Variants in MYH14 observed in about 807,000 individuals in gnomAD.
The protein encoded by MYH14 is myosin-14.
A neutral mutation model predicts 255.5 loss-of-function variants in MYH14; 123 were observed. That is an observed-to-expected ratio of 0.48 (90% CI 0.42 to 0.56). The LOEUF is 0.56. MYH14 is among the 20% of genes least tolerant of loss of function. The probability of loss-of-function intolerance (pLI) is 0.00; values close to 1 mark genes in which losing one functional copy is unlikely to be tolerated. For missense variants in MYH14, 2,423 were observed against 2,802.3 expected (o/e 0.86, Z 3.06); for synonymous variants, 1,095 against 1,161.2 (o/e 0.94, Z 1.16).
At position 50,230,690 on chromosome 19, in the gene MYH14, C is replaced by T. The variant is rs1600895114; in HGVS notation, c.973+67C>T. Reference sequence around the variant, plus strand: ...TGGGCACCATGTCTCTCGGGGGCCCCTTCTGGGGAGGAAGCAAGAGTGGGG... The same window carrying T: ...TGGGCACCATGTCTCTCGGGGGCCCTTTCTGGGGAGGAAGCAAGAGTGGGG... On this transcript the variant is annotated intron_variant, in intron 9 of 42. Coordinates refer to ENST00000642316, the MANE Select transcript of MYH14 (RefSeq NM_001145809.2). The surrounding 1 kb of genome is among the most constrained non-coding windows in gnomAD (Gnocchi z 4.7). 7.1e-7 allele frequency: 1 copy of T among 1,415,826 alleles called. No homozygotes were observed. The allele number at this position is 1,415,826 out of a possible 1,614,324, so 87.7% of individuals were successfully genotyped here.
chr19:50,232,083 C>A lies in MYH14; in HGVS notation c.1114+13C>A, dbSNP rs11666328. On this transcript the variant is annotated intron_variant, in intron 10 of 42. Transcript: ENST00000642316. ...GAGGAAATCATCTGTGAGTGAGCCC[C>A]GTGGAGGCCAGGGGTAGGGGGGAAC... The A allele has an allele frequency of 6.2e-7, 1 of 1,609,346 alleles. No homozygotes were observed. The highest frequency in any genetic ancestry group is 1.3e-5 in the African/African-American group (1 of 75,010).
In MYH14 at chr19:50,221,210, T is replaced by A. The variant is rs2032802188; in HGVS notation, c.563-1873T>A. On this transcript the variant is annotated intron_variant, in intron 3 of 42. Coordinates refer to ENST00000642316, the MANE Select transcript of MYH14 (RefSeq NM_001145809.2). The surrounding 1 kb of genome is among the most constrained non-coding windows in gnomAD (Gnocchi z 5.3). ...CATTTTGAGCATTCTGAGTTCTGAC[T>A]ACAGCCCTGGGAGATGGCAGCTGTT... is the stretch of plus-strand genomic sequence containing the variant. 6.6e-6 allele frequency among the ~76,000 whole-genome samples: 1 copy of A among 152,142 alleles called. No homozygotes were observed. The highest frequency in any genetic ancestry group is 2.1e-4 in the South Asian group (1 of 4,826).
chr19:50,208,451 C>T (rs529499637), intron 1 of MYH14, among the ~76,000 whole-genome samples: 1 of 146,282 alleles, frequency 6.8e-6, no homozygotes, highest in African/African-American at 2.7e-5. Flanking sequence ...AACAAACAAA[C>T]AAACAAAAAA....
At chr19:50,277,741 T>C (rs788336) in intron 29 of MYH14, among the ~76,000 whole-genome samples, 75,966 of 151,080 alleles carry the variant, frequency 0.5, 19,879 homozygotes, top group African/African-American at 0.64. Flanking sequence ...CATGGCAAAA[T>C]CCCATCTCTA....
rs765221367 is a variant in MYH14 at position 50,292,283 on chromosome 19, G to A, written c.5150G>A (p.Arg1717Gln). The stretch of plus-strand genomic sequence containing the variant: ...CAGGCCCAGATGAAGGAGCTATGGC[G>A]GGAGGTGGAGGAGACACGCACCTCC... Reference protein sequence around the residue: ...KMQAQMKELWREVEETRTSRE... With the variant: ...KMQAQMKELWQEVEETRTSRE... The change falls in exon 37 of 43, where the codon CGG (arginine) becomes CAG (glutamine). Residue 1717 changes from arginine (R) to glutamine (Q), a missense_variant. Physicochemically the swap from Arg to Gln is conservative, Grantham distance 43. Coordinates refer to ENST00000642316, the MANE Select transcript of MYH14 (RefSeq NM_001145809.2). 1.3e-5 allele frequency: 21 copies of A among 1,602,862 alleles called. No homozygotes were observed. Among genetic ancestry groups the A allele is most frequent in the South Asian group, 5.6e-5 (5 of 88,496 alleles).
chr19:50,277,091 G>C (rs926941070), intron 29 of MYH14, among the ~76,000 whole-genome samples, 190 bp downstream of exon 29: 8 of 152,168 alleles, frequency 5.3e-5, no homozygotes, highest in Non-Finnish European at 1.2e-4. Flanking sequence ...GAGCATTGCT[G>C]GGGAACCAGC....
chr19:50,267,249 C>A (rs190066514), intron 23 of MYH14, among the ~76,000 whole-genome samples: 1 of 77,692 alleles, frequency 1.3e-5, no homozygotes, highest in Admixed American at 1.8e-4. Context: ...GGGTATGGGC[C>A]GGGTAGGGGT....
chr19:50,237,120 G>C (rs545199776), intron 10 of MYH14, among the ~76,000 whole-genome samples: 6 of 152,088 alleles, frequency 3.9e-5, no homozygotes, highest in Non-Finnish European at 7.4e-5. Context: ...GCATGCAGTA[G>C]GTTTCCTTCC....
chr19:50,248,111 CA>C (rs1298214222), intron 12 of MYH14, among the ~76,000 whole-genome samples: 1 of 151,028 alleles, frequency 6.6e-6, no homozygotes, highest in East Asian at 1.9e-4. Context: ...GAGGTCAGGT[CA>C]GTGAGGCTGA....
chr19:50,279,297 G>C (rs917805449), intron 30 of MYH14, among the ~76,000 whole-genome samples: 1 of 152,158 alleles, frequency 6.6e-6, no homozygotes, highest in Non-Finnish European at 1.5e-5. Context: ...AGATTCATCT[G>C]TGTTGCAGCT....
intron 40 of MYH14, among the ~76,000 whole-genome samples, chr19:50,304,859 G>A (rs186954595): frequency 2.3e-3 from 353 of 152,314 alleles, no homozygotes; most frequent in African/African-American, 8.1e-3. Flanking sequence ...TTGAGCTGGA[G>A]CTGACAAGAA....
Position 50,281,820 on chromosome 19 carries a change from A to C in MYH14, c.4517A>C (p.Lys1506Thr). The C allele has an allele frequency of 6.2e-7, 1 of 1,612,222 alleles. No individual in the cohort carries two copies. The highest frequency in any genetic ancestry group is 8.5e-7 in the Non-Finnish European group (1 of 1,179,404). ...QQRQLVSTLE[K>T]KQRKFDQLLA... The stretch of plus-strand genomic sequence containing the variant: ...CGGCAGCTTGTGAGCACCCTGGAGA[A>C]GAAGCAGCGCAAGTTTGACCAGGTG... Residue 1506 changes from lysine (K) to threonine (T), a missense_variant, in exon 33 of 43, where the codon AAG becomes ACG. Physicochemically the swap from Lys to Thr is moderately conservative, Grantham distance 78 (BLOSUM62 -1). Coordinates refer to ENST00000642316, the MANE Select transcript of MYH14 (RefSeq NM_001145809.2).
chr19:50,223,699 G>A (rs1463278200), intron 5 of MYH14, among the ~76,000 whole-genome samples: 1 of 152,184 alleles, frequency 6.6e-6, no homozygotes, highest in African/African-American at 2.4e-5. Context: ...TCCAAGCCCT[G>A]TTCTCACACT....
At chr19:50,269,977 G>T (rs981061332) in intron 24 of MYH14, among the ~76,000 whole-genome samples, 1 of 152,172 alleles carries the variant, frequency 6.6e-6, no homozygotes, top group African/African-American at 2.4e-5. Context: ...TGTAATCCCG[G>T]CACTTTGGGA....
intron 29 of MYH14, 120 bp downstream of exon 29, chr19:50,277,021 C>G: frequency 2.9e-6 from 2 of 696,156 alleles, no homozygotes; most frequent in Non-Finnish European, 2.4e-6. Flanking sequence ...CCCCTTTCCT[C>G]ACGCATTCAT....
intron 1 of MYH14, among the ~76,000 whole-genome samples, chr19:50,207,696 A>C (rs1397946809): frequency 6.6e-6 from 1 of 152,228 alleles, no homozygotes; most frequent in African/African-American, 2.4e-5. Flanking sequence ...GTGAGATTCG[A>C]GTCTATTCTG....
rs2034441639 is a variant in MYH14 at position 50,252,551 on chromosome 19, G to A, written c.1831-88G>A. 11 of 891,890 alleles carry A rather than the reference G, an allele frequency of 1.2e-5. No individual in the cohort carries two copies. The Admixed American group carries it at 1.6e-4, about 13-fold the overall frequency. 55.2% of individuals were successfully genotyped at this position (891,890 alleles called of 1,614,324 possible). A position where few individuals can be genotyped will look rare whatever the true frequency, so the allele number is the denominator to read the frequency against. On this transcript the variant is annotated intron_variant, in intron 15 of 42. Transcript: ENST00000642316. This position sits in a 1 kb window ranked among gnomAD's most constrained non-coding sequence, Gnocchi z 4.2. ...TCCATGGTGAGCTCCAGACCTGGGAGTCTCAGAGCTTCTGGAAGGCTCCTT... is the reference window on the plus strand; with the variant it reads ...TCCATGGTGAGCTCCAGACCTGGGAATCTCAGAGCTTCTGGAAGGCTCCTT...
intron 21 of MYH14, among the ~76,000 whole-genome samples, chr19:50,262,486 C>A (rs920519841): frequency 4.0e-5 from 6 of 150,484 alleles, no homozygotes; most frequent in Non-Finnish European, 8.8e-5. Context: ...TGCAGTGAGC[C>A]AAGATCATGT....
intron 40 of MYH14, among the ~76,000 whole-genome samples, chr19:50,305,836 G>A (rs2123489257): frequency 6.6e-6 from 1 of 152,290 alleles, no homozygotes; most frequent in East Asian, 1.9e-4. Flanking sequence ...GGACACTGAG[G>A]TGGGAGGATC....
Sources: allele counts gnomAD v4.1 joint callset (sites outside exome capture counted in the v4.1 genomes callset), GRCh38; gene constraint gnomAD v4.1.1; non-coding constraint Gnocchi (gnomAD v3.1); transcripts MANE v1.5; gene names NCBI Gene and HGNC (gene_info 2026-07-23, HGNC 2026-07-21).